FAT3: variants seen among roughly 807,000 people sequenced by gnomAD.
FAT3 encodes the protein protocadherin Fat 3.
A neutral mutation model predicts 310.2 loss-of-function variants in FAT3; 95 were observed. That is an observed-to-expected ratio of 0.31 (90% CI 0.26 to 0.36). The LOEUF (loss-of-function observed/expected upper bound fraction) is 0.36, where lower values mean the gene tolerates loss of function less well. Among genes scored for constraint, FAT3 ranks in the 10% least tolerant of loss-of-function variants. The pLI, the probability that FAT3 is intolerant of heterozygous loss-of-function variation, is 1.00. For missense variants in FAT3, 5,408 were observed against 5,715.6 expected (o/e 0.95, Z 1.74); for synonymous variants, 2,314 against 2,192.9 (o/e 1.06, Z -1.54).
At chr11:92,735,089 C>A (rs1291340600) in intron 4 of FAT3, among the ~76,000 whole-genome samples, 1 of 152,112 alleles carries the variant, frequency 6.6e-6, no homozygotes, top group Non-Finnish European at 1.5e-5. Context: ...CCTGCAGGAA[C>A]TCCCGGTAAA....
At chr11:92,357,744 G>A (rs763076838) in intron 2 of FAT3, among the ~76,000 whole-genome samples, 1 of 151,884 alleles carries the variant, frequency 6.6e-6, no homozygotes, top group African/African-American at 2.4e-5. Context: ...TGAAAAGTTG[G>A]AACAATTTGG....
chr11:92,726,671 G>T (rs910059003), intron 4 of FAT3, among the ~76,000 whole-genome samples: 2 of 151,692 alleles, frequency 1.3e-5, no homozygotes, highest in Non-Finnish European at 2.9e-5. Context: ...GTTAAAGAAT[G>T]GTTAAACTAA....
At position 92,781,243 on chromosome 11, in the gene FAT3, C is replaced by T. The variant is rs548253854; in HGVS notation, c.4335+7063C>T. Among the ~76,000 whole-genome samples the T allele has an allele frequency of 6.6e-5, 10 of 151,598 alleles. 1 individual carries two copies. In the South Asian group the frequency reaches 1.3e-3, roughly 19 times the overall value. On this transcript the variant is annotated intron_variant, in intron 7 of 27. Transcript: ENST00000525166. Reference sequence around the variant, plus strand: ...GACTACAGGTGCATGCCACCACGCCCGGCTAGTTTTGTATTTTTAGTAGAG... The same window carrying T: ...GACTACAGGTGCATGCCACCACGCCTGGCTAGTTTTGTATTTTTAGTAGAG...
At chr11:92,688,688 AC>A (rs1233264263) in intron 3 of FAT3, among the ~76,000 whole-genome samples, 1 of 152,128 alleles carries the variant, frequency 6.6e-6, no homozygotes, top group Non-Finnish European at 1.5e-5. Flanking sequence ...TCCTGTGCAT[AC>A]ATTATCTAGG....
Position 92,355,048 on chromosome 11 carries a change from A to G in FAT3, c.2936A>G (p.Tyr979Cys), listed in dbSNP as rs1235459097. ...GTGCGCTATTCTTTGGTCAATGACTATAATGGGAGATTTGAAATAGATAAA... is the reference window on the plus strand; with the variant it reads ...GTGCGCTATTCTTTGGTCAATGACTGTAATGGGAGATTTGAAATAGATAAA... ...GQVRYSLVNDYNGRFEIDKAS... is the reference protein window; with the variant it reads ...GQVRYSLVNDCNGRFEIDKAS... The change falls in exon 2 of 28, where the codon TAT (tyrosine) becomes TGT (cysteine). Residue 979 changes from tyrosine (Y) to cysteine (C), a missense_variant. By Grantham distance (194) the Tyr-to-Cys change is radical (BLOSUM62 -2). Coordinates refer to ENST00000525166, the MANE Select transcript of FAT3 (RefSeq NM_001367949.2). 3 of 1,613,788 alleles carry G rather than the reference A, an allele frequency of 1.9e-6. No homozygotes were observed. The highest frequency in any genetic ancestry group is 2.5e-6 in the Non-Finnish European group (3 of 1,179,848).
intron 2 of FAT3, among the ~76,000 whole-genome samples, chr11:92,372,530 A>T (rs1949217006): frequency 6.6e-6 from 1 of 152,208 alleles, no homozygotes; most frequent in South Asian, 2.1e-4. Context: ...TGAAGTGTGC[A>T]AAATGACACA....
chr11:92,249,406 G>A (rs1865049996), intron 1 of FAT3, among the ~76,000 whole-genome samples: 1 of 152,122 alleles, frequency 6.6e-6, no homozygotes, highest in African/African-American at 2.4e-5. Flanking sequence ...TATCAGAATT[G>A]GAGGTCTTAG....
intron 10 of FAT3, among the ~76,000 whole-genome samples, chr11:92,804,324 G>A (rs974865110): frequency 6.6e-6 from 1 of 151,918 alleles, no homozygotes; most frequent in Non-Finnish European, 1.5e-5. Flanking sequence ...GTCTTTCTCG[G>A]TGTCTGAAAT....
intron 3 of FAT3, among the ~76,000 whole-genome samples, chr11:92,695,329 C>T (rs987034401): frequency 1.3e-5 from 2 of 152,098 alleles, no homozygotes; most frequent in Non-Finnish European, 1.5e-5. Context: ...GACAAAAATC[C>T]ATGTTTTTTA....
chr11:92,431,766 C>T (rs969577813), intron 2 of FAT3, among the ~76,000 whole-genome samples: 1 of 152,084 alleles, frequency 6.6e-6, no homozygotes, highest in African/African-American at 2.4e-5. Context: ...ATCCTTTCCC[C>T]ATTGCTTGTT....
intron 3 of FAT3, among the ~76,000 whole-genome samples, chr11:92,678,697 T>A (rs976038812): frequency 2.0e-5 from 3 of 152,208 alleles, no homozygotes; most frequent in Non-Finnish European, 4.4e-5. Flanking sequence ...TAAGGCTTTC[T>A]TAAATATATT....
At chr11:92,590,955 C>A (rs1939394943) in intron 3 of FAT3, among the ~76,000 whole-genome samples, 1 of 152,056 alleles carries the variant, frequency 6.6e-6, no homozygotes, top group South Asian at 2.1e-4. Context: ...GATGAGCCAA[C>A]ACAGACCCAT....
Position 92,883,418 on chromosome 11 carries a change from C to G in FAT3, c.12937+25C>G, listed in dbSNP as rs2136419337. The G allele has an allele frequency of 6.4e-7, 1 of 1,572,524 alleles. No homozygotes were observed. The highest frequency in any genetic ancestry group is 1.3e-5 in the African/African-American group (1 of 74,332). Reference sequence around the variant, plus strand: ...AGTGAGTAGGAAGTGGTAATGCTCACCCCTCGGTGCTTACAGGGAACCTGC... The same window carrying G: ...AGTGAGTAGGAAGTGGTAATGCTCAGCCCTCGGTGCTTACAGGGAACCTGC... On this transcript the variant is annotated intron_variant, in intron 24 of 27. Coordinates refer to ENST00000525166, the MANE Select transcript of FAT3 (RefSeq NM_001367949.2). This position sits in a 1 kb window ranked among gnomAD's most constrained non-coding sequence, Gnocchi z 4.2.
At chr11:92,327,533 C>G (rs547847200) in intron 1 of FAT3, among the ~76,000 whole-genome samples, 1 of 152,270 alleles carries the variant, frequency 6.6e-6, no homozygotes, top group Admixed American at 6.5e-5. Context: ...TTAAAAGATG[C>G]GTTTTCTTTA....
Position 92,354,558 on chromosome 11 carries a change from C to T in FAT3, c.2446C>T (p.Leu816=), listed in dbSNP as rs1021019301. ...LGNPQKSSWR[L]LTINVEDAND... The stretch of plus-strand genomic sequence containing the variant: ...TAATCCACAGAAATCGTCATGGAGA[C>T]TGCTGACCATCAATGTGGAGGATGC... Residue 816 remains leucine (L), a synonymous_variant, in exon 2 of 28, where the codon CTG becomes TTG. Coordinates refer to ENST00000525166, the MANE Select transcript of FAT3 (RefSeq NM_001367949.2). 1.2e-6 allele frequency: 2 copies of T among 1,613,880 alleles called. No individual in the cohort carries two copies.
intron 22 of FAT3, among the ~76,000 whole-genome samples, chr11:92,876,676 C>G (rs577405067): frequency 2.0e-5 from 3 of 152,332 alleles, no homozygotes; most frequent in African/African-American, 4.8e-5. Context: ...ATAGATTGCT[C>G]TCTTGGCTCC....
chr11:92,561,714 C>T (rs1464566237), intron 3 of FAT3, among the ~76,000 whole-genome samples: 2 of 152,152 alleles, frequency 1.3e-5, no homozygotes, highest in Admixed American at 6.5e-5. Context: ...CAGCCTCCAC[C>T]TCCAGGGTTC....
chr11:92,300,771 T>C (rs1273975321), intron 1 of FAT3, among the ~76,000 whole-genome samples: 1 of 152,172 alleles, frequency 6.6e-6, no homozygotes, highest in Non-Finnish European at 1.5e-5. Context: ...GAATAGCACA[T>C]GGCTCATAGT....
chr11:92,393,730 A>T (rs1486992477), intron 2 of FAT3, among the ~76,000 whole-genome samples: 1 of 152,190 alleles, frequency 6.6e-6, no homozygotes, highest in African/African-American at 2.4e-5. Flanking sequence ...TTTTTCCAAG[A>T]CCTAATCTAC....
Sources: gnomAD v4.1 joint callset for allele counts (sites outside exome capture counted in the v4.1 genomes callset) on GRCh38, gnomAD v4.1.1 for gene constraint, Gnocchi (gnomAD v3.1) non-coding constraint, MANE v1.5 for transcripts, NCBI Gene and HGNC (gene_info 2026-07-23, HGNC 2026-07-21) for gene names.